The following LDLRAD4 variants were observed in gnomAD, a reference collection of about 807,000 sequenced individuals.
LDLRAD4 encodes low-density lipoprotein receptor class A domain-containing protein 4.
LDLRAD4 carries 5 observed loss-of-function variants against 17.0 expected under a neutral mutation model. That is an observed-to-expected ratio of 0.29 (90% CI 0.15 to 0.62). The LOEUF is 0.62. Ranked by LOEUF, LDLRAD4 falls within the 20% of genes least tolerant of loss-of-function variation. The pLI, the probability that LDLRAD4 is intolerant of heterozygous loss-of-function variation, is 0.84. For synonymous variants in LDLRAD4, 168 were observed against 171.8 expected (o/e 0.98, Z 0.17); for missense variants, 340 against 424.7 (o/e 0.80, Z 1.75).
chr18:13,563,940 C>G, intron 3 of LDLRAD4, among the ~76,000 whole-genome samples: 1 of 151,178 alleles, frequency 6.6e-6, no homozygotes, highest in Non-Finnish European at 1.5e-5. Flanking sequence ...CTCTCTCTCT[C>G]TCTCACCTAA....
intron 3 of LDLRAD4, among the ~76,000 whole-genome samples, chr18:13,467,993 G>C (rs76305901): frequency 9.2e-5 from 14 of 152,152 alleles, no homozygotes; most frequent in African/African-American, 3.1e-4. Context: ...AGCTTGAAAT[G>C]TATCAACGAC....
chr18:13,506,206 C>T (rs1049857462), intron 3 of LDLRAD4, among the ~76,000 whole-genome samples: 1 of 133,092 alleles, frequency 7.5e-6, no homozygotes, highest in African/African-American at 2.6e-5. Context: ...AACCTGCGAG[C>T]AGCTGTTTCC....
At position 13,610,747 on chromosome 18, in the gene LDLRAD4, G is replaced by A. The variant is rs531613717; in HGVS notation, c.182-10370G>A. 3.8e-3 allele frequency among the ~76,000 whole-genome samples: 581 copies of A among 152,296 alleles called. 7 individuals carry two copies. The highest frequency in any genetic ancestry group is 5.4e-3 in the Non-Finnish European group (365 of 68,024). ...GGGGCTCCAGGGACAAGGGGCGCTGGTAGCCAGGGAGGGGCGGCTTGAAGT... is the reference window on the plus strand; with the variant it reads ...GGGGCTCCAGGGACAAGGGGCGCTGATAGCCAGGGAGGGGCGGCTTGAAGT... On this transcript the variant is annotated intron_variant, in intron 3 of 5. Coordinates refer to ENST00000359446, the Ensembl canonical transcript of LDLRAD4.
At chr18:13,289,427 T>C (rs2045840443) in intron 1 of LDLRAD4, among the ~76,000 whole-genome samples, 3 of 152,208 alleles carry the variant, frequency 2.0e-5, no homozygotes, top group Non-Finnish European at 4.4e-5. Flanking sequence ...GATTCATAAG[T>C]GTGTAAATAT....
At chr18:13,411,568 A>T (rs2088364293) in intron 2 of LDLRAD4, among the ~76,000 whole-genome samples, 1 of 152,122 alleles carries the variant, frequency 6.6e-6, no homozygotes, top group Non-Finnish European at 1.5e-5. Context: ...GATAGTGAAT[A>T]AGTCTCATGT....
At chr18:13,511,203 C>G (rs2093772178) in intron 3 of LDLRAD4, among the ~76,000 whole-genome samples, 1 of 152,096 alleles carries the variant, frequency 6.6e-6, no homozygotes, top group Admixed American at 6.5e-5. Context: ...AGCTTTAGAT[C>G]CTGTTTCTGA....
At chr18:13,251,943 C>A (rs989654864) in intron 1 of LDLRAD4, among the ~76,000 whole-genome samples, 21 of 152,158 alleles carry the variant, frequency 1.4e-4, no homozygotes, top group African/African-American at 4.6e-4. Context: ...ACAAGTTAGT[C>A]ATGGATATGG....
rs543531173 is a variant in LDLRAD4 at position 13,330,104 on chromosome 18, T to C, written c.-383+51916T>C. ...CTGAGTAGCTGGGACTACAGGCGCC[T>C]GCCACCACGCCCGGCTAATTTTTAA... On this transcript the variant is annotated intron_variant, in intron 1 of 5. Coordinates refer to ENST00000359446, the Ensembl canonical transcript of LDLRAD4. Among the ~76,000 whole-genome samples, 91 of 152,076 alleles carry C rather than the reference T, an allele frequency of 6.0e-4. 2 individuals carry two copies. The East Asian group carries it at 0.012, about 20-fold the overall frequency.
intron 1 of LDLRAD4, among the ~76,000 whole-genome samples, chr18:13,321,312 A>T (rs946175686): frequency 1.3e-5 from 2 of 152,206 alleles, no homozygotes; most frequent in African/African-American, 4.8e-5. Flanking sequence ...GTGATTTCAG[A>T]TGTAGCTGCA....
intron 1 of LDLRAD4, among the ~76,000 whole-genome samples, chr18:13,385,401 T>G (rs2085720598): frequency 2.6e-5 from 4 of 152,346 alleles, no homozygotes; most frequent in African/African-American, 9.6e-5. Flanking sequence ...GAAGTATGGC[T>G]TGCAAATATT....
At chr18:13,566,675 T>C (rs1386312413) in intron 3 of LDLRAD4, among the ~76,000 whole-genome samples, 3 of 152,188 alleles carry the variant, frequency 2.0e-5, no homozygotes, top group Admixed American at 6.5e-5. Context: ...GTATGCCTTA[T>C]ATTAAATGAC....
intron 3 of LDLRAD4, among the ~76,000 whole-genome samples, chr18:13,469,132 T>C (rs1451821346): frequency 6.6e-6 from 1 of 152,130 alleles, no homozygotes; most frequent in Non-Finnish European, 1.5e-5. Flanking sequence ...AATGAAAACA[T>C]ACCAAGTATT....
At chr18:13,384,574 T>C (rs2085646003) in intron 1 of LDLRAD4, among the ~76,000 whole-genome samples, 1 of 152,238 alleles carries the variant, frequency 6.6e-6, no homozygotes, top group Non-Finnish European at 1.5e-5. Context: ...TTCTTCATCG[T>C]TCTTCCTCCT....
chr18:13,641,844 C>T, intron 4 of LDLRAD4: 3 of 985,586 alleles, frequency 3.0e-6, no homozygotes, highest in Non-Finnish European at 3.6e-6. Context: ...AATAAGGCCA[C>T]TGGGGACAGT....
exon 6 of LDLRAD4, chr18:13,650,670 G>A (rs1422838653): frequency 1.9e-5 from 5 of 268,682 alleles, no homozygotes; most frequent in Admixed American, 1.1e-4. Flanking sequence ...AATATATTAT[G>A]CACATATCCT....
At chr18:13,461,736 A>C (rs1432883932) in intron 3 of LDLRAD4, among the ~76,000 whole-genome samples, 1 of 152,282 alleles carries the variant, frequency 6.6e-6, no homozygotes, top group Middle Eastern at 3.4e-3. Flanking sequence ...GCTGAAGCAA[A>C]GTTACAAAGT....
chr18:13,401,969 C>T (rs1244272822), intron 2 of LDLRAD4, among the ~76,000 whole-genome samples: 4 of 152,180 alleles, frequency 2.6e-5, no homozygotes, highest in African/African-American at 9.6e-5. Flanking sequence ...GTGGTTCCTC[C>T]TTATCCGGGA....
intron 3 of LDLRAD4, among the ~76,000 whole-genome samples, chr18:13,577,771 C>A (rs911261706): frequency 6.6e-6 from 1 of 152,078 alleles, no homozygotes; most frequent in African/African-American, 2.4e-5. Context: ...TGTAGTTTGG[C>A]CATGTGAGGC....
rs139542406 is a variant in LDLRAD4 at position 13,448,108 on chromosome 18, A to G, written c.181+9724A>G. 1.1e-3 allele frequency among the ~76,000 whole-genome samples: 162 copies of G among 152,334 alleles called. 3 individuals are homozygous for G. Among genetic ancestry groups the G allele is most frequent in the East Asian group, 9.4e-3 (49 of 5,186 alleles). Reference sequence around the variant, plus strand: ...AGCGTGAAAGGACAGTTGTAGGATGATAACACTATTGATTTAAGCCGTACT... The same window carrying G: ...AGCGTGAAAGGACAGTTGTAGGATGGTAACACTATTGATTTAAGCCGTACT... On this transcript the variant is annotated intron_variant, in intron 3 of 5. Coordinates refer to ENST00000359446, the Ensembl canonical transcript of LDLRAD4.
Sources: gnomAD v4.1 joint callset for allele counts (sites outside exome capture counted in the v4.1 genomes callset) on GRCh38, gnomAD v4.1.1 for gene constraint, MANE v1.5 for transcripts, NCBI Gene and HGNC (gene_info 2026-07-23, HGNC 2026-07-21) for gene names.